Variants in ZNF385D observed in about 807,000 individuals in gnomAD.
ZNF385D encodes zinc finger protein 385D, also known as zinc finger protein 659.
Under a neutral mutation model 35.8 loss-of-function variants are expected in ZNF385D, and 15 were observed. The ratio of observed to expected loss-of-function variants is 0.42; its 90% confidence interval spans 0.28 to 0.64. The LOEUF is 0.64. Among genes scored for constraint, ZNF385D ranks in the 30% least tolerant of loss-of-function variants. The pLI, the probability that ZNF385D is intolerant of heterozygous loss-of-function variation, is 0.23. For missense variants in ZNF385D, 474 were observed against 494.6 expected, an observed-to-expected ratio of 0.96 and a Z score of 0.39; for synonymous variants, 212 against 186.8, an observed-to-expected ratio of 1.13 and a Z score of -1.10.
chr3:21,931,479 A>G (rs1293025823), intron 3 of ZNF385D, among the ~76,000 whole-genome samples: 1 of 152,214 alleles, frequency 6.6e-6, no homozygotes, highest in Non-Finnish European at 1.5e-5. Context: ...CCACACAAAA[A>G]TGTATTATTT....
chr3:22,003,516 T>C (rs1248588317), intron 3 of ZNF385D, among the ~76,000 whole-genome samples: 2 of 152,180 alleles, frequency 1.3e-5, no homozygotes, highest in African/African-American at 4.8e-5. Context: ...GTATTCTCTA[T>C]ACTCAATGCA....
intron 2 of ZNF385D, among the ~76,000 whole-genome samples, chr3:22,335,834 A>T (rs941551606): frequency 6.6e-6 from 1 of 152,118 alleles, no homozygotes; most frequent in African/African-American, 2.4e-5. Flanking sequence ...GTAAACCTTT[A>T]TTAGGTAGTC....
At chr3:22,218,808 A>G (rs1698060302) in intron 2 of ZNF385D, among the ~76,000 whole-genome samples, 1 of 152,070 alleles carries the variant, frequency 6.6e-6, no homozygotes, top group Non-Finnish European at 1.5e-5. Context: ...TTTTTAATGT[A>G]TATATTTTGT....
At chr3:21,534,429 C>A (rs573703920) in intron 3 of ZNF385D, among the ~76,000 whole-genome samples, 1 of 152,070 alleles carries the variant, frequency 6.6e-6, no homozygotes, top group Non-Finnish European at 1.5e-5. Context: ...AATACTCAAC[C>A]AAAGGTGGTT....
chr3:21,804,191 A>G (rs889465733), intron 3 of ZNF385D, among the ~76,000 whole-genome samples: 1 of 152,222 alleles, frequency 6.6e-6, no homozygotes, highest in Non-Finnish European at 1.5e-5. Flanking sequence ...AAATGAAAAC[A>G]TATTTTATGT....
chr3:21,850,358 C>G lies in ZNF385D; in HGVS notation c.326-185330G>C, dbSNP rs147745372. ...AAAGTAAGCCCTACAATCACGACAGCTTTGTGCTTGTCAGTATTTACAGAA... is the reference window on the plus strand; with the variant it reads ...AAAGTAAGCCCTACAATCACGACAGGTTTGTGCTTGTCAGTATTTACAGAA... On this transcript the variant is annotated intron_variant, in intron 3 of 5. Transcript: ENST00000494108. Among the ~76,000 whole-genome samples, 30 of 152,120 alleles carry G rather than the reference C, an allele frequency of 2.0e-4. No homozygotes were observed. In the East Asian group the frequency reaches 5.8e-3, roughly 30 times the overall value.
chr3:21,841,358 A>C (rs1419814446), intron 3 of ZNF385D, among the ~76,000 whole-genome samples: 1 of 152,012 alleles, frequency 6.6e-6, no homozygotes, highest in Non-Finnish European at 1.5e-5. Context: ...ATTTATGTAT[A>C]ATTGTAAGCT....
At chr3:21,578,058 T>C (rs2063545889) in intron 2 of ZNF385D, among the ~76,000 whole-genome samples, 1 of 151,992 alleles carries the variant, frequency 6.6e-6, no homozygotes, top group Admixed American at 6.6e-5. Flanking sequence ...CAAGTGATGC[T>C]CCTGGTCCCG....
intron 3 of ZNF385D, among the ~76,000 whole-genome samples, chr3:21,987,864 A>T (rs1206733770): frequency 7.4e-6 from 1 of 135,896 alleles, no homozygotes; most frequent in Non-Finnish European, 1.6e-5. Flanking sequence ...GGCTTTGCTC[A>T]TTTCTTTTTA....
chr3:21,654,742 T>C (rs1031882132), intron 2 of ZNF385D, among the ~76,000 whole-genome samples: 2 of 152,080 alleles, frequency 1.3e-5, no homozygotes, highest in African/African-American at 4.8e-5. Flanking sequence ...TTTTCAAAGA[T>C]GTGAAATTAC....
intron 3 of ZNF385D, among the ~76,000 whole-genome samples, chr3:21,844,114 G>A (rs1252210457): frequency 1.3e-5 from 2 of 151,886 alleles, no homozygotes; most frequent in Admixed American, 6.6e-5. Flanking sequence ...ATATTTTACG[G>A]GATTTTCACT....
At chr3:21,543,274 C>G (rs1333383525) in intron 3 of ZNF385D, among the ~76,000 whole-genome samples, 1 of 152,188 alleles carries the variant, frequency 6.6e-6, no homozygotes. Flanking sequence ...AAGATCACGC[C>G]ACTCTACTCC....
chr3:21,633,350 A>T (rs2065336109), intron 2 of ZNF385D, among the ~76,000 whole-genome samples: 2 of 152,088 alleles, frequency 1.3e-5, no homozygotes, highest in Non-Finnish European at 2.9e-5. Context: ...GAGTATGTAA[A>T]AAATATGGAA....
intron 3 of ZNF385D, among the ~76,000 whole-genome samples, chr3:21,922,284 A>AC (rs35781922): frequency 0.52 from 78,541 of 151,936 alleles, 22,122 homozygotes; most frequent in South Asian, 0.65. Context: ...TAGAAAAAAA[A>AC]TTTTATAAAA....
intron 3 of ZNF385D, among the ~76,000 whole-genome samples, chr3:21,953,337 T>A (rs629944): frequency 0.26 from 39,569 of 151,526 alleles, 5,895 homozygotes; most frequent in Admixed American, 0.41. Flanking sequence ...CAGTAAAATA[T>A]CTGGAAAAAA....
intron 2 of ZNF385D, among the ~76,000 whole-genome samples, chr3:22,306,745 G>A (rs1344869017): frequency 1.3e-5 from 2 of 152,132 alleles, no homozygotes; most frequent in African/African-American, 2.4e-5. Flanking sequence ...CTAATTAGCT[G>A]GGTATGGAGT....
intron 3 of ZNF385D, among the ~76,000 whole-genome samples, chr3:22,003,646 C>G (rs1695999527): frequency 1.3e-5 from 2 of 152,080 alleles, no homozygotes; most frequent in Non-Finnish European, 2.9e-5. Context: ...GTGAGTGGAT[C>G]ACTTGAGGCC....
intron 3 of ZNF385D, among the ~76,000 whole-genome samples, chr3:21,767,864 G>A (rs992860037): frequency 1.3e-5 from 2 of 152,040 alleles, no homozygotes; most frequent in East Asian, 3.9e-4. Context: ...TAAAGCACAA[G>A]AATGCATGTA....
rs2062072421 is a variant in ZNF385D, at chr3:21,537,797, T to A, written c.277-26774A>T. On this transcript the variant is annotated intron_variant, in intron 3 of 7. Transcript: ENST00000281523. Reference sequence around the variant, plus strand: ...CTGCGTGGCCTATGAAATCTAAGGATTTTGCCTTTTAATCTAAGTGAAATG... The same window carrying A: ...CTGCGTGGCCTATGAAATCTAAGGAATTTGCCTTTTAATCTAAGTGAAATG... 1.3e-5 allele frequency among the ~76,000 whole-genome samples: 2 copies of A among 152,022 alleles called. 1 individual carries two copies. The highest frequency in any genetic ancestry group is 4.2e-4 in the South Asian group (2 of 4,752).
Sources: gnomAD v4.1 joint callset for allele counts (sites outside exome capture counted in the v4.1 genomes callset) on GRCh38, gnomAD v4.1.1 for gene constraint, MANE v1.5 for transcripts, NCBI Gene and HGNC (gene_info 2026-07-23, HGNC 2026-07-21) for gene names.